Variants in UCK2 observed in about 807,000 individuals in gnomAD.
The protein encoded by UCK2 is cytidine monophosphokinase 2.
UCK2 carries 6 observed loss-of-function variants against 30.8 expected under a neutral mutation model. The ratio of observed to expected loss-of-function variants is 0.19; its 90% CI spans 0.11 to 0.38. The LOEUF is 0.38. Among genes scored for constraint, UCK2 ranks in the 10% least tolerant of loss-of-function variants. The pLI is 1.00. For synonymous variants in UCK2, 125 were observed against 133.6 expected, an observed-to-expected ratio of 0.94 and a Z score of 0.45; for missense variants, 210 against 339.8, an observed-to-expected ratio of 0.62 and a Z score of 3.00.
At position 165,880,564 on chromosome 1, in the gene UCK2, GGGGTGTGTGTGTGTGT is replaced by G. The variant is rs1289050896; in HGVS notation, c.100-9638_100-9623del. On this transcript the variant is annotated intron_variant, in intron 1 of 6. Transcript: ENST00000367879. The stretch of plus-strand genomic sequence containing the variant: ...GCCTAGATCCATTCAGTTTTTTTTG[GGGGTGTGTGTGTGTGT>G]GTGTGTGTGTGTGTGTGTGTGTGTG... Among the ~76,000 whole-genome samples, 378 of 100,054 alleles carry G rather than the reference GGGGTGTGTGTGTGTGT, an allele frequency of 3.8e-3. 4 individuals are homozygous for G. Among genetic ancestry groups the G allele is most frequent in the African/African-American group, 0.011 (346 of 30,392 alleles). The allele number at this position is 100,054 out of a possible 152,430, so 65.6% of individuals were successfully genotyped here.
At chr1:165,897,318 G>A (rs1647294865) in intron 4 of UCK2, among the ~76,000 whole-genome samples, 1 of 152,166 alleles carries the variant, frequency 6.6e-6, no homozygotes, top group Non-Finnish European at 1.5e-5. Context: ...TGTAAGTGAA[G>A]CCTGTAGCTG....
chr1:165,858,928 G>T (rs1654820722), intron 1 of UCK2, among the ~76,000 whole-genome samples: 1 of 152,300 alleles, frequency 6.6e-6, no homozygotes, highest in African/African-American at 2.4e-5. Flanking sequence ...GGACTATTTT[G>T]TTAGCTACAT....
chr1:165,895,506 T>A, intron 3 of UCK2: 3 of 985,422 alleles, frequency 3.0e-6, no homozygotes, highest in Non-Finnish European at 3.6e-6. Flanking sequence ...GATGAGGTCA[T>A]GCATATTTCT....
intron 1 of UCK2, among the ~76,000 whole-genome samples, chr1:165,878,262 T>G (rs1438935275): frequency 6.6e-6 from 1 of 152,202 alleles, no homozygotes; most frequent in Non-Finnish European, 1.5e-5. Flanking sequence ...TCAGATTAGC[T>G]TCTTTCACTT....
intron 1 of UCK2, among the ~76,000 whole-genome samples, chr1:165,865,802 C>T (rs1459628252): frequency 6.6e-6 from 1 of 152,178 alleles, no homozygotes; most frequent in East Asian, 1.9e-4. Flanking sequence ...TAACCACAGT[C>T]GTAACGACCA....
At chr1:165,855,476 A>G (rs1247050447) in intron 1 of UCK2, among the ~76,000 whole-genome samples, 1 of 149,352 alleles carries the variant, frequency 6.7e-6, no homozygotes, top group East Asian at 2.0e-4. Context: ...CTGTTTTTAC[A>G]TATATATTCG....
intron 4 of UCK2, among the ~76,000 whole-genome samples, chr1:165,902,188 A>G (rs1370445834): frequency 6.6e-6 from 1 of 152,072 alleles, no homozygotes; most frequent in Non-Finnish European, 1.5e-5. Flanking sequence ...GTGAGCTGAG[A>G]TCGCGCCACT....
intron 1 of UCK2, among the ~76,000 whole-genome samples, chr1:165,837,134 C>G (rs1654215109): frequency 6.6e-6 from 1 of 152,222 alleles, no homozygotes. Context: ...TCAGGCCCCA[C>G]TTCCCAACAC....
chr1:165,890,015 C>T (rs1202534960), intron 1 of UCK2, among the ~76,000 whole-genome samples, 189 bp from the exon 2 acceptor site: 3 of 152,108 alleles, frequency 2.0e-5, no homozygotes, highest in Non-Finnish European at 4.4e-5. Context: ...CCACATGAGA[C>T]GTGATCTTAT....
At chr1:165,865,110 A>T (rs568348321) in intron 1 of UCK2, among the ~76,000 whole-genome samples, 1 of 152,306 alleles carries the variant, frequency 6.6e-6, no homozygotes, top group Non-Finnish European at 1.5e-5. Flanking sequence ...TACACATCAC[A>T]TCATATGTGT....
intron 1 of UCK2, among the ~76,000 whole-genome samples, chr1:165,833,084 G>A (rs1654093316): frequency 6.6e-6 from 1 of 152,272 alleles, no homozygotes; most frequent in Admixed American, 6.5e-5. Context: ...GAATGCTTCA[G>A]AATGTGCTCT....
At chr1:165,852,617 G>A (rs779294218) in intron 1 of UCK2, among the ~76,000 whole-genome samples, 2 of 152,228 alleles carry the variant, frequency 1.3e-5, no homozygotes, top group Non-Finnish European at 2.9e-5. Context: ...ACTGTTGGTA[G>A]GAATGTAAAT....
chr1:165,887,686 A>AG (rs1655651819), intron 1 of UCK2, among the ~76,000 whole-genome samples: 1 of 152,150 alleles, frequency 6.6e-6, no homozygotes, highest in Non-Finnish European at 1.5e-5. Flanking sequence ...AAACGTCCTA[A>AG]GATAGATGCC....
At position 165,907,920 on chromosome 1, in the gene UCK2, G is replaced by T; in HGVS notation, c.*97G>T. On this transcript the variant is annotated 3_prime_UTR_variant, in exon 7 of 7. Coordinates refer to ENST00000367879, the MANE Select transcript of UCK2 (RefSeq NM_012474.5). ...ACATACTGTTTCCTATGACATTACT[G>T]TATTTAAGAAAACACCATGGAGATG... 6.9e-7 allele frequency: 1 copy of T among 1,439,752 alleles called. No individual in the cohort carries two copies. Among genetic ancestry groups the T allele is most frequent in the South Asian group, 1.6e-5 (1 of 64,422 alleles). 89.2% of individuals were successfully genotyped at this position (1,439,752 alleles called of 1,614,324 possible).
chr1:165,873,365 A>G (rs1655251165), intron 1 of UCK2, among the ~76,000 whole-genome samples: 1 of 152,242 alleles, frequency 6.6e-6, no homozygotes, highest in African/African-American at 2.4e-5. Context: ...GCTACCATGC[A>G]TGCATATAAA....
At chr1:165,854,001 G>A (rs1257872108) in intron 1 of UCK2, among the ~76,000 whole-genome samples, 1 of 152,234 alleles carries the variant, frequency 6.6e-6, no homozygotes, top group African/African-American at 2.4e-5. Flanking sequence ...GATGCTGAAT[G>A]TTCACCAGTT....
At chr1:165,841,111 G>GTGTA (rs1467504223) in intron 1 of UCK2, among the ~76,000 whole-genome samples, 3,688 of 144,886 alleles carry the variant, frequency 0.025, 121 homozygotes, top group African/African-American at 0.09. Context: ...GTGTGTGTGT[G>GTGTA]TATATATATA....
At chr1:165,848,542 G>A (rs1654507759) in intron 1 of UCK2, among the ~76,000 whole-genome samples, 1 of 151,640 alleles carries the variant, frequency 6.6e-6, no homozygotes. Context: ...TGAGGCAGGA[G>A]AATCGCTTGA....
intron 1 of UCK2, among the ~76,000 whole-genome samples, chr1:165,879,300 C>T (rs1354770009): frequency 2.0e-5 from 3 of 152,176 alleles, no homozygotes; most frequent in Non-Finnish European, 4.4e-5. Context: ...GGATCTTTTG[C>T]AGAGCAGACC....
Sources: allele counts gnomAD v4.1 joint callset (sites outside exome capture counted in the v4.1 genomes callset), GRCh38; gene constraint gnomAD v4.1.1; transcripts MANE v1.5; gene names NCBI Gene and HGNC (gene_info 2026-07-23, HGNC 2026-07-21).